Variants in ARHGAP24 observed in about 807,000 individuals in gnomAD.
The protein encoded by ARHGAP24 is Rho GTPase activating protein 24, also known as rho GTPase-activating protein 24.
A neutral mutation model predicts 76.4 loss-of-function variants in ARHGAP24; 50 were observed. That is an observed-to-expected ratio of 0.65 (90% CI 0.52 to 0.83). The LOEUF (loss-of-function observed/expected upper bound fraction) is 0.83, where lower values mean the gene tolerates loss of function less well. ARHGAP24 is among the 40% of genes least tolerant of loss of function. The pLI, the probability that ARHGAP24 is intolerant of heterozygous loss-of-function variation, is 0.00. For missense variants in ARHGAP24, 930 were observed against 914.2 expected (o/e 1.02, Z -0.22); for synonymous variants, 345 against 323.3 (o/e 1.07, Z -0.72).
chr4:85,863,655 A>T (rs561939438), intron 3 of ARHGAP24, among the ~76,000 whole-genome samples: 1 of 152,210 alleles, frequency 6.6e-6, no homozygotes, highest in East Asian at 1.9e-4. Flanking sequence ...TACCTAGAAA[A>T]GTACCCTACA....
At chr4:85,649,296 G>A (rs1721847248) in intron 2 of ARHGAP24, among the ~76,000 whole-genome samples, 1 of 152,006 alleles carries the variant, frequency 6.6e-6, no homozygotes, top group Non-Finnish European at 1.5e-5. Context: ...TATTAAATCA[G>A]GCATTGTGTT....
At chr4:85,994,121 C>A (rs755134253) in intron 8 of ARHGAP24, among the ~76,000 whole-genome samples, 25 of 152,130 alleles carry the variant, frequency 1.6e-4, no homozygotes, top group Non-Finnish European at 3.1e-4. Context: ...ACTAAAATAT[C>A]TTGATAGTTT....
intron 3 of ARHGAP24, among the ~76,000 whole-genome samples, chr4:85,766,974 G>A (rs1355041170): frequency 6.6e-6 from 1 of 152,140 alleles, no homozygotes; most frequent in African/African-American, 2.4e-5. Context: ...GTTTAGATAT[G>A]TTTGGATACA....
chr4:85,662,792 T>G (rs1213856602), intron 2 of ARHGAP24, among the ~76,000 whole-genome samples: 1 of 152,188 alleles, frequency 6.6e-6, no homozygotes. Flanking sequence ...CCCCATTGCT[T>G]GTTTTTCTCA....
Position 85,995,018 on chromosome 4 carries a change from G to A in ARHGAP24, c.1364G>A (p.Gly455Glu). 1.2e-6 allele frequency: 2 copies of A among 1,614,014 alleles called. No individual in the cohort carries two copies. The highest frequency in any genetic ancestry group is 8.5e-7 in the Non-Finnish European group (1 of 1,180,012). The change falls in exon 9 of 10, where the codon GGG becomes GAG. Residue 455 changes from glycine to glutamate, a missense_variant. By Grantham distance (98) the Gly-to-Glu change is moderately conservative. Transcript: ENST00000395184. Reference protein sequence around the residue: ...GLEKTQTTPNGSLQARRSSSL... With the variant: ...GLEKTQTTPNESLQARRSSSL... ...GAGAAAACCCAAACCACCCCCAATG[G>A]GAGCCTACAGGCCAGAAGGAGCTCT... is the stretch of plus-strand genomic sequence containing the variant.
chr4:85,503,258 T>G (rs1230562993), intron 1 of ARHGAP24, among the ~76,000 whole-genome samples: 1 of 152,208 alleles, frequency 6.6e-6, no homozygotes, highest in African/African-American at 2.4e-5. Context: ...GATTCCCTCT[T>G]TTTCTATTGA....
intron 1 of ARHGAP24, among the ~76,000 whole-genome samples, chr4:85,531,885 A>G (rs1327856321): frequency 6.6e-6 from 1 of 152,108 alleles, no homozygotes; most frequent in Non-Finnish European, 1.5e-5. Context: ...TCAATGATCA[A>G]TTCCCATGGG....
intron 1 of ARHGAP24, among the ~76,000 whole-genome samples, chr4:85,547,143 T>G (rs1725951521): frequency 6.6e-6 from 1 of 152,212 alleles, no homozygotes. Flanking sequence ...CTCCTTTCTC[T>G]GTTTGTTTTT....
intron 8 of ARHGAP24, among the ~76,000 whole-genome samples, chr4:85,984,682 T>C (rs1373626459): frequency 6.6e-6 from 1 of 152,152 alleles, no homozygotes; most frequent in African/African-American, 2.4e-5. Context: ...ATAGGGAAGA[T>C]TGGTGAAAGA....
At chr4:85,977,488 T>G (rs1578457953) in intron 7 of ARHGAP24, 82 bp from the exon 8 acceptor site, 2 of 1,488,872 alleles carry the variant, frequency 1.3e-6, no homozygotes, top group East Asian at 4.8e-5. Context: ...AACTTTAGTT[T>G]GTAAATTTTC....
At chr4:85,880,519 T>TTG (rs58530817) in intron 3 of ARHGAP24, among the ~76,000 whole-genome samples, 49 of 150,656 alleles carry the variant, frequency 3.3e-4, no homozygotes, top group African/African-American at 1.2e-3. Context: ...TGCATAACTT[T>TTG]TGTGTGTGTG....
At chr4:85,654,107 T>C (rs1722046720) in intron 2 of ARHGAP24, among the ~76,000 whole-genome samples, 1 of 152,160 alleles carries the variant, frequency 6.6e-6, no homozygotes, top group South Asian at 2.1e-4. Flanking sequence ...TGCTACAGGC[T>C]GGGTGGTTTA....
intron 3 of ARHGAP24, among the ~76,000 whole-genome samples, chr4:85,865,809 A>G (rs1732168508): frequency 6.6e-6 from 1 of 151,908 alleles, no homozygotes; most frequent in Non-Finnish European, 1.5e-5. Context: ...TTCAAGTATG[A>G]CACCATTTTT....
chr4:85,642,823 C>T (rs1721575542), intron 2 of ARHGAP24, among the ~76,000 whole-genome samples: 1 of 152,098 alleles, frequency 6.6e-6, no homozygotes, highest in African/African-American at 2.4e-5. Context: ...CTTGTCAGAT[C>T]ATGTCACTGC....
chr4:85,564,407 C>CGG (rs59660385), intron 1 of ARHGAP24, among the ~76,000 whole-genome samples: 15 of 130,692 alleles, frequency 1.1e-4, no homozygotes, highest in African/African-American at 3.8e-4. Context: ...GTGGGGGGAG[C>CGG]GGGGGGGATA....
intron 2 of ARHGAP24, among the ~76,000 whole-genome samples, chr4:85,589,696 T>C (rs536065021): frequency 6.6e-6 from 1 of 152,312 alleles, no homozygotes; most frequent in African/African-American, 2.4e-5. Context: ...AACTAATAAT[T>C]CCTCTTGGGA....
intron 8 of ARHGAP24, among the ~76,000 whole-genome samples, chr4:85,988,173 C>T (rs144780305): frequency 0.017 from 2,637 of 151,714 alleles, 32 homozygotes; most frequent in South Asian, 0.033. Context: ...CTACAAGAAA[C>T]GTTAAATAGT....
chr4:85,678,677 A>G (rs994561254), intron 2 of ARHGAP24, among the ~76,000 whole-genome samples: 5 of 152,216 alleles, frequency 3.3e-5, no homozygotes, highest in African/African-American at 1.2e-4. Flanking sequence ...CAAACAGTGC[A>G]AAATAAAGTG....
intron 2 of ARHGAP24, among the ~76,000 whole-genome samples, chr4:85,707,189 T>A (rs762752970): frequency 6.6e-6 from 1 of 152,190 alleles, no homozygotes; most frequent in Non-Finnish European, 1.5e-5. Flanking sequence ...ATTGATAGGA[T>A]TACAGTCATC....
Sources: gnomAD v4.1 joint callset for allele counts (sites outside exome capture counted in the v4.1 genomes callset) on GRCh38, gnomAD v4.1.1 for gene constraint, MANE v1.5 for transcripts, NCBI Gene and HGNC (gene_info 2026-07-23, HGNC 2026-07-21) for gene names.